The following DAP3 variants were observed in gnomAD, a reference collection of about 807,000 sequenced individuals.
DAP3 encodes the protein small ribosomal subunit protein mS29.
DAP3 carries 28 observed loss-of-function variants against 51.9 expected under a neutral mutation model. The observed-to-expected ratio is 0.54, with a 90% CI of 0.40 to 0.74. The LOEUF is 0.74. Among genes scored for constraint, DAP3 ranks in the 30% least tolerant of loss-of-function variants. DAP3 has a pLI of 0.00. For missense variants in DAP3, 458 were observed against 483.5 expected (o/e 0.95, Z 0.49); for synonymous variants, 170 against 170.3 (o/e 1.00, Z 0.01).
At chr1:155,727,486 A>AT in intron 6 of DAP3, 122 bp from the exon 7 acceptor site, 8 of 1,036,082 alleles carry the variant, frequency 7.7e-6, no homozygotes, top group South Asian at 2.6e-5. Flanking sequence ...AAAAAAAAAA[A>AT]GAAAAGAAAT....
chr1:155,689,817 CAGG>C (rs1473844257), intron 1 of DAP3, among the ~76,000 whole-genome samples: 1 of 152,148 alleles, frequency 6.6e-6, no homozygotes. Context: ...GAGGCTGAGG[CAGG>C]AGAATTGCTT....
chr1:155,688,375 G>A (rs1489350405), upstream of DAP3: 7 of 1,544,534 alleles, frequency 4.5e-6, no homozygotes, highest in East Asian at 9.8e-5. Flanking sequence ...GAGGGAGGGA[G>A]CTAAGGGCGC....
chr1:155,692,669 TA>T (rs1193918824), intron 1 of DAP3, among the ~76,000 whole-genome samples: 5 of 142,110 alleles, frequency 3.5e-5, no homozygotes, highest in Non-Finnish European at 7.3e-5. Flanking sequence ...ATATTCAGTG[TA>T]AAATTTCCAT....
At chr1:155,732,126 G>T in intron 11 of DAP3, 93 bp downstream of exon 11, 1 of 1,163,800 alleles carries the variant, frequency 8.6e-7, no homozygotes. Context: ...CATAATTTCA[G>T]ACTTAGAGAA....
chr1:155,688,964 C>T (rs767796919), upstream of DAP3: 43 of 1,610,108 alleles, frequency 2.7e-5, no homozygotes, highest in Non-Finnish European at 3.6e-5. Context: ...CTGCGGCTCG[C>T]CTCCTCCTCC....
chr1:155,735,231 A>G (rs1354039308), intron 11 of DAP3, among the ~76,000 whole-genome samples: 1 of 152,004 alleles, frequency 6.6e-6, no homozygotes, highest in Non-Finnish European at 1.5e-5. Flanking sequence ...CAGTGAGCTA[A>G]GATGTGCCAA....
intron 11 of DAP3, among the ~76,000 whole-genome samples, chr1:155,735,608 TTTGA>T (rs1659697813): frequency 6.6e-6 from 1 of 152,006 alleles, no homozygotes. Flanking sequence ...AGAAATACAG[TTTGA>T]TTACTTCATT....
chr1:155,695,228 T>C (rs1260610166), intron 1 of DAP3, among the ~76,000 whole-genome samples: 1 of 152,200 alleles, frequency 6.6e-6, no homozygotes, highest in Non-Finnish European at 1.5e-5. Context: ...ACCATATAAA[T>C]GAGAATATGT....
At position 155,693,979 on chromosome 1, in the gene DAP3, A is replaced by G. The variant is rs778757209; in HGVS notation, c.-8+4805A>G. Among the ~76,000 whole-genome samples the G allele has an allele frequency of 1.5e-4, 21 of 141,626 alleles. 2 individuals carry two copies. Among genetic ancestry groups the G allele is most frequent in the African/African-American group, 2.2e-4 (7 of 31,134 alleles). 92.9% of individuals were successfully genotyped at this position (141,626 alleles called of 152,430 possible). On this transcript the variant is annotated intron_variant, in intron 1 of 12. Transcript: ENST00000368336. Reference sequence around the variant, plus strand: ...TCCCTCTCAAAAAAAAAGAAAGAAAAAAAAAGAGATACAATCCTTTCAAAT... The same window carrying G: ...TCCCTCTCAAAAAAAAAGAAAGAAAGAAAAAGAGATACAATCCTTTCAAAT...
At chr1:155,698,067 CCCGAAAA>C in intron 1 of DAP3, among the ~76,000 whole-genome samples, 1 of 152,286 alleles carries the variant, frequency 6.6e-6, no homozygotes, top group East Asian at 1.9e-4. Flanking sequence ...TCCCTTGTTC[CCCGAAAA>C]TCGTTGTTAT....
Position 155,725,345 on chromosome 1 carries a change from C to T in DAP3, c.271-37C>T, listed in dbSNP as rs766215934. The T allele has an allele frequency of 6.9e-6, 11 of 1,591,542 alleles. No homozygotes were observed. The South Asian group carries it at 7.7e-5, about 11-fold the overall frequency. ...TACCACCCCCCACCCACTCCTTCCA[C>T]ACCCACCCACTCTTTCCTTCTTTCC... On this transcript the variant is annotated intron_variant, in intron 4 of 12. Coordinates refer to ENST00000368336, the MANE Select transcript of DAP3 (RefSeq NM_004632.4).
At chr1:155,701,092 C>T (rs1158172989) in intron 1 of DAP3, among the ~76,000 whole-genome samples, 1 of 129,692 alleles carries the variant, frequency 7.7e-6, no homozygotes, top group Non-Finnish European at 1.6e-5. Context: ...CCGCCCCGTC[C>T]GGGAGGTGAG....
At chr1:155,717,998 CT>C (rs1443165192) in intron 3 of DAP3, among the ~76,000 whole-genome samples, 1 of 152,200 alleles carries the variant, frequency 6.6e-6, no homozygotes, top group African/African-American at 2.4e-5. Flanking sequence ...CCCCTACCCT[CT>C]GAGTCTTCCC....
chr1:155,688,552 C>A, upstream of DAP3: 2 of 1,539,648 alleles, frequency 1.3e-6, no homozygotes, highest in Non-Finnish European at 1.7e-6. Context: ...GGCCGTCCTG[C>A]GAGCCAGCCA....
At chr1:155,704,018 A>G (rs978409907) in intron 1 of DAP3, among the ~76,000 whole-genome samples, 1 of 152,196 alleles carries the variant, frequency 6.6e-6, no homozygotes, top group Admixed American at 6.5e-5. Context: ...GTGGTTGCAC[A>G]TGCCTGTAGT....
chr1:155,703,862 T>C (rs558636315), intron 1 of DAP3, among the ~76,000 whole-genome samples: 3 of 152,268 alleles, frequency 2.0e-5, no homozygotes, highest in East Asian at 1.9e-4. Flanking sequence ...TGAAAACTAG[T>C]GAGGGCCAGG....
At position 155,692,269 on chromosome 1, in the gene DAP3, A is replaced by G. The variant is rs540966564; in HGVS notation, c.-8+3095A>G. Among the ~76,000 whole-genome samples, 4 of 141,762 alleles carry G rather than the reference A, an allele frequency of 2.8e-5. No homozygotes were observed. In the South Asian group the frequency reaches 8.3e-4, roughly 29 times the overall value. The allele number at this position is 141,762 out of a possible 152,430, so 93.0% of individuals were successfully genotyped here. A position where few individuals can be genotyped will look rare whatever the true frequency, so the allele number is the denominator to read the frequency against. ...CAGAGCATGGGAACATAATGGCGAT[A>G]AGAAGGCTTTCCTCCTCAGAGTCCT... On this transcript the variant is annotated intron_variant, in intron 1 of 12. Transcript: ENST00000368336.
In DAP3 at chr1:155,731,400, G is replaced by A. The variant is rs200594001; in HGVS notation, c.888G>A (p.Met296Ile). The A allele has an allele frequency of 5.2e-5, 84 of 1,614,048 alleles. No homozygotes were observed. Among genetic ancestry groups the A allele is most frequent in the Middle Eastern group, 1.6e-4 (1 of 6,062 alleles). Reference protein sequence around the residue: ...ELALVHNLRKMMKNDWHGGAI... With the variant: ...ELALVHNLRKIMKNDWHGGAI... ...CACTTGTTCACAACTTGAGGAAAAT[G>A]ATGAAAAATGATTGGGTAAGTGCAT... Residue 296 changes from methionine (M) to isoleucine (I), a missense_variant, in exon 10 of 13, where the codon ATG (methionine) becomes ATA (isoleucine). Coordinates refer to ENST00000368336, the MANE Select transcript of DAP3 (RefSeq NM_004632.4).
chr1:155,737,629 G>A (rs1259751863), intron 12 of DAP3, among the ~76,000 whole-genome samples: 1 of 152,144 alleles, frequency 6.6e-6, no homozygotes, highest in African/African-American at 2.4e-5. Context: ...AGATAATAGA[G>A]TTAATAGTAA....
Sources: gnomAD v4.1 joint callset for allele counts (sites outside exome capture counted in the v4.1 genomes callset) on GRCh38, gnomAD v4.1.1 for gene constraint, MANE v1.5 for transcripts, NCBI Gene and HGNC (gene_info 2026-07-23, HGNC 2026-07-21) for gene names.